DNER: variants seen among roughly 807,000 people sequenced by gnomAD.
The protein encoded by DNER is delta/notch like EGF repeat containing.
In DNER, 33 loss-of-function variants were observed where a neutral mutation model predicts 78.2. The ratio of observed to expected loss-of-function variants is 0.42; its 90% CI spans 0.32 to 0.56. DNER has a LOEUF of 0.56. Ranked by LOEUF, DNER falls within the 20% of genes least tolerant of loss-of-function variation. The probability of loss-of-function intolerance (pLI) is 0.11; values close to 1 mark genes in which losing one functional copy is unlikely to be tolerated. For missense variants in DNER, 918 were observed against 975.3 expected (o/e 0.94, Z 0.78); for synonymous variants, 417 against 384.8 (o/e 1.08, Z -0.98).
intron 4 of DNER, among the ~76,000 whole-genome samples, chr2:229,579,517 A>G (rs1246192239): frequency 1.3e-5 from 2 of 152,184 alleles, no homozygotes; most frequent in Non-Finnish European, 2.9e-5. Flanking sequence ...GCTGAAAAAC[A>G]TACATCCTCC....
At chr2:229,476,829 A>T (rs1695046087) in intron 7 of DNER, among the ~76,000 whole-genome samples, 1 of 151,808 alleles carries the variant, frequency 6.6e-6, no homozygotes, top group African/African-American at 2.4e-5. Context: ...AACTCATATC[A>T]AAAACCAAAC....
At chr2:229,526,472 T>C (rs1272324105) in intron 5 of DNER, among the ~76,000 whole-genome samples, 1 of 152,170 alleles carries the variant, frequency 6.6e-6, no homozygotes, top group African/African-American at 2.4e-5. Flanking sequence ...CCCCAACCTT[T>C]TTGGCACCAG....
chr2:229,365,810 G>A (rs1405699601), intron 12 of DNER, among the ~76,000 whole-genome samples: 3 of 152,164 alleles, frequency 2.0e-5, no homozygotes, highest in Non-Finnish European at 4.4e-5. Flanking sequence ...TTTCCCTTGA[G>A]CCCCAATCTT....
chr2:229,597,746 C>T (rs533876368), intron 1 of DNER, among the ~76,000 whole-genome samples: 2 of 152,336 alleles, frequency 1.3e-5, no homozygotes, highest in East Asian at 3.9e-4. Context: ...TTATTAAATG[C>T]CGTGTGCTTG....
At chr2:229,633,349 T>C (rs971494086) in intron 1 of DNER, among the ~76,000 whole-genome samples, 1 of 152,226 alleles carries the variant, frequency 6.6e-6, no homozygotes, top group African/African-American at 2.4e-5. Flanking sequence ...CACTTACAAC[T>C]TTGTTAAATA....
intron 1 of DNER, among the ~76,000 whole-genome samples, chr2:229,691,592 T>G (rs1172797456): frequency 6.6e-6 from 1 of 152,068 alleles, no homozygotes; most frequent in East Asian, 1.9e-4. Context: ...TTAATTATAT[T>G]GGCAAGCAAA....
chr2:229,540,860 T>C (rs1335202197), intron 5 of DNER, among the ~76,000 whole-genome samples: 1 of 152,186 alleles, frequency 6.6e-6, no homozygotes, highest in Non-Finnish European at 1.5e-5. Context: ...CCGATCCTAA[T>C]AGATTAAGGA....
chr2:229,628,800 T>A (rs1698388606), intron 1 of DNER, among the ~76,000 whole-genome samples: 1 of 152,152 alleles, frequency 6.6e-6, no homozygotes, highest in Non-Finnish European at 1.5e-5. Flanking sequence ...GGAACCTAGT[T>A]CTAACATCAA....
intron 1 of DNER, among the ~76,000 whole-genome samples, chr2:229,706,396 C>CAAAA (rs35958661): frequency 2.5e-5 from 3 of 119,882 alleles, no homozygotes; most frequent in African/African-American, 9.6e-5. Flanking sequence ...AGTAAAAATA[C>CAAAA]AAAAAAAAAA....
chr2:229,476,095 C>T (rs1695029539), intron 7 of DNER, among the ~76,000 whole-genome samples: 2 of 152,180 alleles, frequency 1.3e-5, no homozygotes, highest in Admixed American at 1.3e-4. Flanking sequence ...ACACATTTAA[C>T]TCATCACCAG....
chr2:229,681,827 A>AACACACACACAC lies in DNER; in HGVS notation c.276+32309_276+32320dup, dbSNP rs72248647. On this transcript the variant is annotated intron_variant, in intron 1 of 12. Transcript: ENST00000341772. ...TAAGGAATTGTATACCTCTGCCTAA[A>AACACACACACAC]ACACACACACACACACACACACACA... 3.1e-3 allele frequency among the ~76,000 whole-genome samples: 444 copies of AACACACACACAC among 144,440 alleles called. 1 individual carries two copies. The highest frequency in any genetic ancestry group is 4.1e-3 in the Non-Finnish European group (276 of 66,658). The allele number at this position is 144,440 out of a possible 152,430, so 94.8% of individuals were successfully genotyped here.
intron 8 of DNER, among the ~76,000 whole-genome samples, chr2:229,422,064 G>A (rs1040169502): frequency 1.3e-5 from 2 of 151,980 alleles, no homozygotes; most frequent in East Asian, 1.9e-4. Context: ...CCTTGGGGGG[G>A]AAAAAAGATA....
At chr2:229,484,270 C>T (rs1695225282) in intron 6 of DNER, among the ~76,000 whole-genome samples, 1 of 152,196 alleles carries the variant, frequency 6.6e-6, no homozygotes, top group South Asian at 2.1e-4. Flanking sequence ...AAATGCAGAG[C>T]TACTGAAGTA....
rs115821640 is a variant in DNER at position 229,406,677 on chromosome 2, T to A, written c.1723+555A>T. Among the ~76,000 whole-genome samples the A allele has an allele frequency of 4.7e-3, 722 of 152,128 alleles. 6 individuals carry two copies. Among genetic ancestry groups the A allele is most frequent in the African/African-American group, 0.016 (681 of 41,488 alleles). ...AAAGTCCTTGAAGCTCATAAGGGGG[T>A]GACTTTGAAGAAGGACCCCAAGTTA... On this transcript the variant is annotated intron_variant, in intron 10 of 12. Transcript: ENST00000341772.
chr2:229,532,658 G>A (rs866756283), intron 5 of DNER, among the ~76,000 whole-genome samples: 4 of 152,228 alleles, frequency 2.6e-5, no homozygotes, highest in Non-Finnish European at 5.9e-5. Context: ...CAGGGAAGCC[G>A]ACCAATTTCC....
At chr2:229,635,376 A>AC (rs1191276612) in intron 1 of DNER, among the ~76,000 whole-genome samples, 36 of 151,050 alleles carry the variant, frequency 2.4e-4, no homozygotes, top group Admixed American at 5.9e-4. Flanking sequence ...AAAAAAAAAA[A>AC]AAAAAAAAAC....
chr2:229,393,846 CAAAACAAAAACA>C (rs60036170), intron 10 of DNER, among the ~76,000 whole-genome samples: 10,802 of 151,564 alleles, frequency 0.071, 441 homozygotes, highest in Middle Eastern at 0.095. Flanking sequence ...GACTCCGTCT[CAAAACAAAAACA>C]AAAACAAAAA....
intron 5 of DNER, among the ~76,000 whole-genome samples, chr2:229,537,405 G>A (rs1273070410): frequency 6.6e-6 from 1 of 152,164 alleles, no homozygotes; most frequent in Non-Finnish European, 1.5e-5. Flanking sequence ...CTCAGCAGTA[G>A]GAACCCCAGA....
chr2:229,432,111 T>C (rs1694018679), intron 8 of DNER, among the ~76,000 whole-genome samples: 1 of 152,238 alleles, frequency 6.6e-6, no homozygotes, highest in South Asian at 2.1e-4. Flanking sequence ...AAATAATATT[T>C]TATAATTTGA....
Sources: gnomAD v4.1 joint callset for allele counts (sites outside exome capture counted in the v4.1 genomes callset) on GRCh38, gnomAD v4.1.1 for gene constraint, MANE v1.5 for transcripts, NCBI Gene and HGNC (gene_info 2026-07-23, HGNC 2026-07-21) for gene names.